RSPO2: variants seen among roughly 807,000 people sequenced by gnomAD.
The protein encoded by RSPO2 is R-spondin-2.
In RSPO2, 14 loss-of-function variants were observed where a neutral mutation model predicts 30.9. That is an observed-to-expected ratio of 0.45 (90% confidence interval 0.30 to 0.71). The LOEUF is 0.71. Ranked by LOEUF, RSPO2 falls within the 30% of genes least tolerant of loss-of-function variation. The pLI, the probability that RSPO2 is intolerant of heterozygous loss-of-function variation, is 0.08. For synonymous variants in RSPO2, 107 were observed against 96.4 expected (o/e 1.11, Z -0.64); for missense variants, 264 against 301.9 (o/e 0.87, Z 0.93).
Position 107,900,512 on chromosome 8 carries a change from A to G in RSPO2, c.*563T>C, listed in dbSNP as rs1441260792. 6.6e-6 allele frequency: 1 copy of G among 152,598 alleles called. No homozygotes were observed. The highest frequency in any genetic ancestry group is 1.5e-5 in the Non-Finnish European group (1 of 68,048). 9.5% of individuals were successfully genotyped at this position (152,598 alleles called of 1,614,324 possible). A position where few individuals can be genotyped will look rare whatever the true frequency, so the allele number is the denominator to read the frequency against. On this transcript the variant is annotated 3_prime_UTR_variant, in exon 6 of 6. Coordinates refer to ENST00000276659, the MANE Select transcript of RSPO2 (RefSeq NM_178565.5). The stretch of plus-strand genomic sequence containing the variant: ...AATATACAGTAAATAAGAGCTTTAT[A>G]TGTAGCTCCTGCAGTATATGTACAT...
At chr8:108,077,562 G>A (rs1813052107) in intron 2 of RSPO2, among the ~76,000 whole-genome samples, 1 of 151,978 alleles carries the variant, frequency 6.6e-6, no homozygotes. Flanking sequence ...AAAAAAATGA[G>A]TGAAAATCTT....
In RSPO2 at chr8:107,963,522, C is replaced by CAAAAAAAAAAAAA. The variant is rs61697128; in HGVS notation, c.284-2718_284-2706dup. On this transcript the variant is annotated intron_variant, in intron 3 of 5. Transcript: ENST00000276659. ...TTAGGCAATGAAGTGAGACCTGTCT[C>CAAAAAAAAAAAAA]AAAAAAAAAAAAAAAAAAAAAAAAA... is the stretch of plus-strand genomic sequence containing the variant. Among the ~76,000 whole-genome samples, 24 of 32,018 alleles carry CAAAAAAAAAAAAA rather than the reference C, an allele frequency of 7.5e-4. 3 individuals are homozygous for CAAAAAAAAAAAAA. Among genetic ancestry groups the CAAAAAAAAAAAAA allele is most frequent in the African/African-American group, 2.6e-3 (17 of 6,558 alleles). The allele number at this position is 32,018 out of a possible 152,430, so 21.0% of individuals were successfully genotyped here.
chr8:107,912,917 G>T (rs1811867444), intron 5 of RSPO2, among the ~76,000 whole-genome samples: 1 of 152,098 alleles, frequency 6.6e-6, no homozygotes, highest in Non-Finnish European at 1.5e-5. Context: ...ACCAAGTGCT[G>T]AGCATAACTC....
intron 2 of RSPO2, among the ~76,000 whole-genome samples, chr8:108,003,051 ATTTT>A (rs35346404): frequency 1.5e-5 from 2 of 136,344 alleles, no homozygotes; most frequent in Non-Finnish European, 3.2e-5. Flanking sequence ...GACCTCAATA[ATTTT>A]TTTTTTTTTT....
chr8:108,004,547 T>C (rs922789429), intron 2 of RSPO2, among the ~76,000 whole-genome samples: 8 of 152,226 alleles, frequency 5.3e-5, no homozygotes, highest in Non-Finnish European at 1.0e-4. Flanking sequence ...AATTTGTCAC[T>C]GCTTATTGAC....
chr8:107,992,354 T>G lies in RSPO2; in HGVS notation c.95-3110A>C, dbSNP rs1054836492. Among the ~76,000 whole-genome samples, 3 of 152,186 alleles carry G rather than the reference T, an allele frequency of 2.0e-5. No individual in the cohort carries two copies. In the East Asian group the frequency reaches 5.8e-4, roughly 29 times the overall value. On this transcript the variant is annotated intron_variant, in intron 2 of 5. Transcript: ENST00000276659. ...TCACTTATAAGTGGGAGCTTAATGA[T>G]GAGAACACATGGACACATAGAGGGA...
intron 2 of RSPO2, among the ~76,000 whole-genome samples, chr8:108,035,023 G>A (rs1821448): frequency 0.3 from 46,193 of 152,050 alleles, 7,150 homozygotes; most frequent in South Asian, 0.39. Flanking sequence ...TCTTTCCAGG[G>A]AAATACATCT....
At chr8:107,986,127 C>T (rs1017902577) in intron 3 of RSPO2, among the ~76,000 whole-genome samples, 2 of 152,138 alleles carry the variant, frequency 1.3e-5, no homozygotes, top group Non-Finnish European at 2.9e-5. Context: ...AAGTCTGTGA[C>T]AGCTTTTCCA....
At chr8:108,017,449 T>C (rs1348507735) in intron 2 of RSPO2, among the ~76,000 whole-genome samples, 1 of 152,192 alleles carries the variant, frequency 6.6e-6, no homozygotes, top group Non-Finnish European at 1.5e-5. Flanking sequence ...GGCTCTTGTG[T>C]AGTGAGGAAG....
At chr8:108,015,061 T>C (rs1413280692) in intron 2 of RSPO2, among the ~76,000 whole-genome samples, 8 of 152,164 alleles carry the variant, frequency 5.3e-5, no homozygotes, top group Admixed American at 4.6e-4. Context: ...ATTTTCTTTG[T>C]AGAAAAGTAC....
At chr8:107,986,245 A>C (rs1205668330) in intron 3 of RSPO2, among the ~76,000 whole-genome samples, 2 of 152,218 alleles carry the variant, frequency 1.3e-5, no homozygotes, top group Non-Finnish European at 2.9e-5. Flanking sequence ...ATGATTATCC[A>C]AAGTCGTATA....
chr8:107,978,997 G>T (rs894111868), intron 3 of RSPO2, among the ~76,000 whole-genome samples: 48 of 152,294 alleles, frequency 3.2e-4, no homozygotes, highest in Non-Finnish European at 5.4e-4. Context: ...TCTCACACCA[G>T]TTAGAATGGC....
At chr8:107,948,213 T>C (rs561538356) in intron 5 of RSPO2, among the ~76,000 whole-genome samples, 1 of 152,324 alleles carries the variant, frequency 6.6e-6, no homozygotes, top group East Asian at 1.9e-4. Flanking sequence ...TTTGTATCAC[T>C]CTCTCCTCCC....
chr8:107,996,334 C>T (rs1410754130), intron 2 of RSPO2, among the ~76,000 whole-genome samples: 2 of 152,124 alleles, frequency 1.3e-5, no homozygotes, highest in Non-Finnish European at 2.9e-5. Flanking sequence ...AAAGCCACCC[C>T]TTTAACATGA....
intron 2 of RSPO2, among the ~76,000 whole-genome samples, chr8:108,070,897 C>T (rs1442067796): frequency 3.3e-5 from 5 of 152,170 alleles, no homozygotes. Context: ...TCATAAAATA[C>T]TTTTTTCTTT....
intron 2 of RSPO2, among the ~76,000 whole-genome samples, chr8:107,990,259 C>A (rs1469304770): frequency 2.6e-5 from 4 of 151,964 alleles, no homozygotes; most frequent in Non-Finnish European, 5.9e-5. Context: ...AAGAAAAAAA[C>A]AGAAACGTTC....
At chr8:107,944,468 T>A (rs1044623489) in intron 5 of RSPO2, among the ~76,000 whole-genome samples, 7 of 152,204 alleles carry the variant, frequency 4.6e-5, no homozygotes, top group Non-Finnish European at 1.0e-4. Flanking sequence ...GGAGACATGT[T>A]ACTGAATTCA....
At chr8:107,972,188 C>G (rs186878521) in intron 3 of RSPO2, among the ~76,000 whole-genome samples, 1,680 of 151,962 alleles carry the variant, frequency 0.011, 37 homozygotes, top group African/African-American at 0.038. Flanking sequence ...CTCTGTCACC[C>G]GGGATGGAGT....
intron 3 of RSPO2, among the ~76,000 whole-genome samples, chr8:107,986,811 C>G (rs999490081): frequency 6.6e-6 from 1 of 152,134 alleles, no homozygotes; most frequent in Non-Finnish European, 1.5e-5. Flanking sequence ...ACTGTGGACT[C>G]AAACCACCAC....
Sources: gnomAD v4.1 joint callset for allele counts (sites outside exome capture counted in the v4.1 genomes callset) on GRCh38, gnomAD v4.1.1 for gene constraint, MANE v1.5 for transcripts, NCBI Gene and HGNC (gene_info 2026-07-23, HGNC 2026-07-21) for gene names.